Variants in CXCL16 observed in about 807,000 individuals in gnomAD.
The protein encoded by CXCL16 is C-X-C motif chemokine ligand 16.
CXCL16 carries 18 observed loss-of-function variants against 23.8 expected under a neutral mutation model. That is an observed-to-expected ratio of 0.76 (90% CI 0.52 to 1.12). CXCL16 has a LOEUF of 1.12. Among genes scored for constraint, CXCL16 ranks in the 50% most tolerant of loss-of-function variants. CXCL16 has a pLI of 0.00. For missense variants in CXCL16, 297 were observed against 315.4 expected (o/e 0.94, Z 0.44); for synonymous variants, 123 against 132.5 (o/e 0.93, Z 0.49).
Position 4,739,715 on chromosome 17 carries a change from T to C in CXCL16, c.-376A>G. The stretch of plus-strand genomic sequence containing the variant: ...CGACGGCCCGAGGAGCCGATTCGGT[T>C]CGGTTCAGGAGGCCGCCCGCCTGGC... On this transcript the variant is annotated 5_prime_UTR_variant, in exon 1 of 6. Transcript: ENST00000293778. This position sits in a 1 kb window ranked among gnomAD's most constrained non-coding sequence, Gnocchi z 5.3. 3.0e-6 allele frequency: 3 copies of C among 988,332 alleles called. No homozygotes were observed. The highest frequency in any genetic ancestry group is 4.0e-6 in the Non-Finnish European group (3 of 759,476). The allele number at this position is 988,332 out of a possible 1,614,324, so 61.2% of individuals were successfully genotyped here. A position where few individuals can be genotyped will look rare whatever the true frequency, so the allele number is the denominator to read the frequency against.
chr17:4,738,421 A>G lies in CXCL16; in HGVS notation c.288T>C (p.Cys96=). Residue 96 remains cysteine (C), a synonymous_variant, in exon 3 of 6, where the codon TGT becomes TGC. Transcript: ENST00000293778. The surrounding 1 kb of genome is among the most constrained non-coding windows in gnomAD (Gnocchi z 4.0). The stretch of plus-strand genomic sequence containing the variant: ...GAAAAGTCTCACCTTTGAGATCAAG[A>G]CAGCTCATCAATTCCTGAACCCATG... ...KDPWVQELMS[C]LDLKECGHAY... is the part of the protein sequence containing the mutation. The G allele has an allele frequency of 6.2e-7, 1 of 1,613,846 alleles. No homozygotes were observed. The highest frequency in any genetic ancestry group is 8.5e-7 in the Non-Finnish European group (1 of 1,179,718).
intron 4 of CXCL16, among the ~76,000 whole-genome samples, 159 bp from the exon 5 acceptor site, chr17:4,734,811 A>G (rs1185652044): frequency 6.6e-6 from 1 of 151,956 alleles, no homozygotes; most frequent in Non-Finnish European, 1.5e-5. Context: ...ACTGGCCCTC[A>G]CCTCCCTCCA....
At chr17:4,735,039 C>T in intron 4 of CXCL16, 53 bp downstream of exon 4, 1 of 1,525,520 alleles carries the variant, frequency 6.6e-7, no homozygotes, top group Non-Finnish European at 8.9e-7. Context: ...GGTCAGGATG[C>T]CTGTCAGGAA....
Position 4,739,318 on chromosome 17 carries a change from C to A in CXCL16, c.22G>T (p.Gly8Trp). The change falls in exon 1 of 6, where the codon GGG becomes TGG. Residue 8 changes from glycine (G) to tryptophan (W), a missense_variant. Coordinates refer to ENST00000293778, the MANE Select transcript of CXCL16 (RefSeq NM_001386809.1). The surrounding 1 kb of genome is among the most constrained non-coding windows in gnomAD (Gnocchi z 5.3). The part of the protein sequence containing the change: MGRDLRP[G>W]SRVLLLLLLL... The stretch of plus-strand genomic sequence containing the variant: ...AGCAGGAGCAGGAGCACGCGGGACC[C>A]GGGCCGCAAGTCCCGTCCCATCTCG... 2.5e-6 allele frequency: 4 copies of A among 1,612,646 alleles called. No homozygotes were observed. The highest frequency in any genetic ancestry group is 3.4e-6 in the Non-Finnish European group (4 of 1,179,448).
At position 4,735,394 on chromosome 17, in the gene CXCL16, T is replaced by G. The variant is rs759662536; in HGVS notation, c.416A>C (p.Gln139Pro). ...GASSDIHTPA[Q>P]MLLSTLQSTQ... ...GGACTGCAAGGTGGACAGGAGCATC[T>G]GGGCAGGGGTGTGGATATCTGAAGA... Residue 139 changes from glutamine to proline, a missense_variant, in exon 4 of 6, where the codon CAG (glutamine) becomes CCG (proline). By Grantham distance (76) the Gln-to-Pro change is moderately conservative. Coordinates refer to ENST00000293778, the MANE Select transcript of CXCL16 (RefSeq NM_001386809.1). 2 of 1,564,520 alleles carry G rather than the reference T, an allele frequency of 1.3e-6. No individual in the cohort carries two copies. Among genetic ancestry groups the G allele is most frequent in the East Asian group, 4.5e-5 (2 of 44,282 alleles).
Position 4,735,610 on chromosome 17 carries a change from G to GC in CXCL16, c.302-103dup, listed in dbSNP as rs1306135275. On this transcript the variant is annotated intron_variant, in intron 3 of 5. Coordinates refer to ENST00000293778, the MANE Select transcript of CXCL16 (RefSeq NM_001386809.1). ...AAGTAATATCTTTTCCTCACCCATC[G>GC]CAAGGGTCAAGGCTGATACCCCTAT... 2.4e-5 allele frequency: 22 copies of GC among 914,564 alleles called. No individual in the cohort carries two copies. In the South Asian group the frequency reaches 5.2e-4, roughly 22 times the overall value. The allele number at this position is 914,564 out of a possible 1,614,324, so 56.7% of individuals were successfully genotyped here.
chr17:4,739,177 C>T lies in CXCL16; in HGVS notation c.79+84G>A. ...GTCCCCGCTGCCTTCATCCACTCAA[C>T]TCCGTGGGCCTCGTGTCCCCTCCCC... On this transcript the variant is annotated intron_variant, in intron 1 of 5. Coordinates refer to ENST00000293778, the MANE Select transcript of CXCL16 (RefSeq NM_001386809.1). This position sits in a 1 kb window ranked among gnomAD's most constrained non-coding sequence, Gnocchi z 5.3. 6.6e-7 allele frequency: 1 copy of T among 1,507,222 alleles called. No individual in the cohort carries two copies. Among genetic ancestry groups the T allele is most frequent in the Non-Finnish European group, 9.0e-7 (1 of 1,112,234 alleles). The allele number at this position is 1,507,222 out of a possible 1,614,324, so 93.4% of individuals were successfully genotyped here.
At chr17:4,737,597 AAAGAAAT>A in intron 3 of CXCL16, among the ~76,000 whole-genome samples, 4 of 147,810 alleles carry the variant, frequency 2.7e-5, no homozygotes, top group Non-Finnish European at 4.5e-5. Flanking sequence ...AAAAAAAAAA[AAAGAAAT>A]GCATCAAGAA....
chr17:4,739,323 C>A lies in CXCL16; in HGVS notation c.17G>T (p.Arg6Leu). 6.2e-7 allele frequency: 1 copy of A among 1,612,852 alleles called. No individual in the cohort carries two copies. The highest frequency in any genetic ancestry group is 8.5e-7 in the Non-Finnish European group (1 of 1,179,564). ...GAGCAGGAGCACGCGGGACCCGGGC[C>A]GCAAGTCCCGTCCCATCTCGGGGCT... MGRDL[R>L]PGSRVLLLLL... Residue 6 changes from arginine to leucine, a missense_variant, in exon 1 of 6, where the codon CGG becomes CTG. Transcript: ENST00000293778. The surrounding 1 kb of genome is among the most constrained non-coding windows in gnomAD (Gnocchi z 5.3).
rs1916224492 is a variant in CXCL16 at position 4,738,372 on chromosome 17, G to C, written c.301+36C>G. On this transcript the variant is annotated intron_variant, in intron 3 of 5. Transcript: ENST00000293778. This position sits in a 1 kb window ranked among gnomAD's most constrained non-coding sequence, Gnocchi z 4.0. ...TGTCAGGTGGAAGCTGCTAAGCCCT[G>C]GAGGCAGAGCCTGAAGAGCAGTGGA... is the stretch of plus-strand genomic sequence containing the variant. The C allele has an allele frequency of 6.5e-7, 1 of 1,544,108 alleles. No individual in the cohort carries two copies. The highest frequency in any genetic ancestry group is 1.7e-5 in the Admixed American group (1 of 59,860).
In CXCL16 at chr17:4,739,181, G is replaced by C; in HGVS notation, c.79+80C>G. 6.6e-7 allele frequency: 1 copy of C among 1,510,870 alleles called. No homozygotes were observed. The highest frequency in any genetic ancestry group is 9.0e-7 in the Non-Finnish European group (1 of 1,114,934). 93.6% of individuals were successfully genotyped at this position (1,510,870 alleles called of 1,614,324 possible). A position where few individuals can be genotyped will look rare whatever the true frequency, so the allele number is the denominator to read the frequency against. On this transcript the variant is annotated intron_variant, in intron 1 of 5. Coordinates refer to ENST00000293778, the MANE Select transcript of CXCL16 (RefSeq NM_001386809.1). This position sits in a 1 kb window ranked among gnomAD's most constrained non-coding sequence, Gnocchi z 5.3. ...CCGCTGCCTTCATCCACTCAACTCCGTGGGCCTCGTGTCCCCTCCCCAACT... is the reference window on the plus strand; with the variant it reads ...CCGCTGCCTTCATCCACTCAACTCCCTGGGCCTCGTGTCCCCTCCCCAACT...
chr17:4,735,538 C>T lies in CXCL16; in HGVS notation c.302-30G>A, dbSNP rs907043515. ...AAAGGAAAGAAATGAGGAATCAGGACTATCAGGAGACAAGGTGAAAAAGCA... is the reference window on the plus strand; with the variant it reads ...AAAGGAAAGAAATGAGGAATCAGGATTATCAGGAGACAAGGTGAAAAAGCA... On this transcript the variant is annotated intron_variant, in intron 3 of 5. Coordinates refer to ENST00000293778, the MANE Select transcript of CXCL16 (RefSeq NM_001386809.1). The T allele has an allele frequency of 3.4e-6, 5 of 1,484,360 alleles. No homozygotes were observed. The African/African-American group carries it at 5.6e-5, about 17-fold the overall frequency. The allele number at this position is 1,484,360 out of a possible 1,614,324, so 91.9% of individuals were successfully genotyped here. A position where few individuals can be genotyped will look rare whatever the true frequency, so the allele number is the denominator to read the frequency against.
chr17:4,734,569 A>C lies in CXCL16; in HGVS notation c.*23+14T>G. Reference sequence around the variant, plus strand: ...CCTTTATTACACTTTTTGTAAGAATAAGCCACAGTTTACCCTCACAAGCTT... The same window carrying C: ...CCTTTATTACACTTTTTGTAAGAATCAGCCACAGTTTACCCTCACAAGCTT... On this transcript the variant is annotated intron_variant, in intron 5 of 5. Coordinates refer to ENST00000293778, the MANE Select transcript of CXCL16 (RefSeq NM_001386809.1). The C allele has an allele frequency of 6.5e-7, 1 of 1,543,456 alleles. No homozygotes were observed. The highest frequency in any genetic ancestry group is 1.1e-5 in the South Asian group (1 of 89,574).
rs777653971 is a variant in CXCL16, at chr17:4,739,265, C to T, written c.75G>A (p.Gln25=). The T allele has an allele frequency of 1.9e-6, 3 of 1,602,218 alleles. No homozygotes were observed. Among genetic ancestry groups the T allele is most frequent in the Non-Finnish European group, 2.6e-6 (3 of 1,174,400 alleles). ...CCTGCCCCGCCCCCGGCTAACCTGG[C>T]TGAGTCAGGTACACCAGCAGGAGCA... ...LLLLLLVYLT[Q]PGNGNEGSVT... is the part of the protein sequence containing the mutation. Residue 25 remains glutamine, a synonymous_variant, in exon 1 of 6, where the codon CAG becomes CAA. Coordinates refer to ENST00000293778, the MANE Select transcript of CXCL16 (RefSeq NM_001386809.1). This position sits in a 1 kb window ranked among gnomAD's most constrained non-coding sequence, Gnocchi z 5.3.
At position 4,739,100 on chromosome 17, in the gene CXCL16, G is replaced by A; in HGVS notation, c.79+161C>T. 4 of 1,183,018 alleles carry A rather than the reference G, an allele frequency of 3.4e-6. No homozygotes were observed. Among genetic ancestry groups the A allele is most frequent in the Non-Finnish European group, 4.7e-6 (4 of 850,608 alleles). 73.3% of individuals were successfully genotyped at this position (1,183,018 alleles called of 1,614,324 possible). ...CATCCATAATCCCGCCCGGAGCCAG[G>A]CGTCCCCGGGCCTCTGTCCCCAACC... On this transcript the variant is annotated intron_variant, in intron 1 of 5. Transcript: ENST00000293778. The surrounding 1 kb of genome is among the most constrained non-coding windows in gnomAD (Gnocchi z 5.3).
At position 4,739,086 on chromosome 17, in the gene CXCL16, C is replaced by A; in HGVS notation, c.80-166G>T. Reference sequence around the variant, plus strand: ...CACGCCCCCGACAACATCCATAATCCCGCCCGGAGCCAGGCGTCCCCGGGC... The same window carrying A: ...CACGCCCCCGACAACATCCATAATCACGCCCGGAGCCAGGCGTCCCCGGGC... On this transcript the variant is annotated intron_variant, in intron 1 of 5. Coordinates refer to ENST00000293778, the MANE Select transcript of CXCL16 (RefSeq NM_001386809.1). This position sits in a 1 kb window ranked among gnomAD's most constrained non-coding sequence, Gnocchi z 5.3. 1 of 1,197,086 alleles carries A rather than the reference C, an allele frequency of 8.4e-7. No homozygotes were observed. Among genetic ancestry groups the A allele is most frequent in the Non-Finnish European group, 1.2e-6 (1 of 864,448 alleles). The allele number at this position is 1,197,086 out of a possible 1,614,324, so 74.2% of individuals were successfully genotyped here.
At chr17:4,735,858 G>A (rs938544298) in intron 3 of CXCL16, among the ~76,000 whole-genome samples, 2 of 152,118 alleles carry the variant, frequency 1.3e-5, no homozygotes, top group Non-Finnish European at 2.9e-5. Context: ...TGGATCACCT[G>A]AGGTCGGGAG....
chr17:4,738,606 A>G lies in CXCL16; in HGVS notation c.219-116T>C. The G allele has an allele frequency of 2.0e-6, 2 of 1,010,530 alleles. No individual in the cohort carries two copies. The highest frequency in any genetic ancestry group is 3.0e-6 in the Non-Finnish European group (2 of 677,828). 62.6% of individuals were successfully genotyped at this position (1,010,530 alleles called of 1,614,324 possible). Reference sequence around the variant, plus strand: ...AAGAGCCCTTTCTCCTGGGACTGGGAAACTCCCCAGTAGGTGAGACGGAGT... The same window carrying G: ...AAGAGCCCTTTCTCCTGGGACTGGGGAACTCCCCAGTAGGTGAGACGGAGT... On this transcript the variant is annotated intron_variant, in intron 2 of 5. Transcript: ENST00000293778. This position sits in a 1 kb window ranked among gnomAD's most constrained non-coding sequence, Gnocchi z 4.0.
In CXCL16 at chr17:4,738,953, C is replaced by T. The variant is rs367634366; in HGVS notation, c.80-33G>A. The stretch of plus-strand genomic sequence containing the variant: ...GGACGGAGGTGGTCGGCACCCATTC[C>T]CAGGCCCAGGGTCCCCACTCCGCTG... On this transcript the variant is annotated intron_variant, in intron 1 of 5. Transcript: ENST00000293778. This position sits in a 1 kb window ranked among gnomAD's most constrained non-coding sequence, Gnocchi z 4.0. 1.9e-6 allele frequency: 3 copies of T among 1,608,000 alleles called. No individual in the cohort carries two copies. In the African/African-American group the frequency reaches 4.0e-5, roughly 21 times the overall value.
Sources: allele counts gnomAD v4.1 joint callset (sites outside exome capture counted in the v4.1 genomes callset), GRCh38; gene constraint gnomAD v4.1.1; non-coding constraint Gnocchi (gnomAD v3.1); transcripts MANE v1.5; gene names NCBI Gene and HGNC (gene_info 2026-07-23, HGNC 2026-07-21).